LY75: variants seen among roughly 807,000 people sequenced by gnomAD.
The protein encoded by LY75 is C-type lectin domain family 13 member B.
A neutral mutation model predicts 231.7 loss-of-function variants in LY75; 185 were observed. The observed-to-expected ratio is 0.80, with a 90% CI of 0.71 to 0.90. The LOEUF is 0.90. Among genes scored for constraint, LY75 ranks in the 40% least tolerant of loss-of-function variants. The pLI, the probability that LY75 is intolerant of heterozygous loss-of-function variation, is 0.00. For synonymous variants in LY75, 668 were observed against 689.0 expected (o/e 0.97, Z 0.48); for missense variants, 1,947 against 2,050.2 (o/e 0.95, Z 0.97).
intron 29 of LY75, 123 bp downstream of exon 29, chr2:159,819,603 T>C: frequency 8.0e-7 from 1 of 1,243,896 alleles, no homozygotes; most frequent in South Asian, 1.7e-5. Flanking sequence ...ATAACCTCTG[T>C]AACACCTCGC....
chr2:159,858,423 AAATT>A lies in LY75; in HGVS notation c.2318_2321del (p.Glu773ValfsTer4). On this transcript the variant is annotated frameshift_variant, in exon 16 of 35. Transcript: ENST00000263636. LOFTEE classifies it high-confidence loss of function. ...CACAAGCAAAAGGCCTCAAATAAAT[AAATT>A]CTCTATCATCATAGAAATGCCAGCC... The A allele has an allele frequency of 4.3e-6, 7 of 1,613,750 alleles. No homozygotes were observed. Among genetic ancestry groups the A allele is most frequent in the Non-Finnish European group, 5.9e-6 (7 of 1,179,832 alleles).
chr2:159,885,020 A>T, intron 6 of LY75, 133 bp downstream of exon 6: 1 of 1,223,522 alleles, frequency 8.2e-7, no homozygotes, highest in Non-Finnish European at 1.1e-6. Flanking sequence ...GTTAAAAATC[A>T]AGTACTTTTC....
chr2:159,885,287 G>T lies in LY75; in HGVS notation c.920C>A (p.Pro307His). The change falls in exon 6 of 35, where the codon CCC becomes CAC. Residue 307 changes from proline (P) to histidine (H), a missense_variant. Pro to His is a moderately conservative substitution (Grantham distance 77, BLOSUM62 -2). Coordinates refer to ENST00000263636, the MANE Select transcript of LY75 (RefSeq NM_002349.4). The part of the protein sequence containing the change: ...LNFLNWDPDR[P>H]SAPTIGGSSC... The stretch of plus-strand genomic sequence containing the variant: ...GGAGCCACCTATAGTAGGTGCACTG[G>T]GCCTGTCTTAAAAGGGAACATTTTT... The T allele has an allele frequency of 6.2e-7, 1 of 1,612,572 alleles. No homozygotes were observed. The highest frequency in any genetic ancestry group is 8.5e-7 in the Non-Finnish European group (1 of 1,179,174).
Position 159,833,981 on chromosome 2 carries a change from T to C in LY75, c.3841+63A>G. 9 of 1,539,288 alleles carry C rather than the reference T, an allele frequency of 5.8e-6. No individual in the cohort carries two copies. The South Asian group carries it at 1.1e-4, about 19-fold the overall frequency. ...AGGCCATTAAACCTCTTTTTCTTTA[T>C]AAATTACCTAGCCTCGGGTATGTCC... On this transcript the variant is annotated intron_variant, in intron 27 of 34. Coordinates refer to ENST00000263636, the MANE Select transcript of LY75 (RefSeq NM_002349.4).
intron 13 of LY75, 136 bp downstream of exon 13, chr2:159,872,315 A>G: frequency 8.8e-7 from 1 of 1,139,392 alleles, no homozygotes; most frequent in South Asian, 1.7e-5. Flanking sequence ...CATGACTGCT[A>G]AGCACCAAAT....
At chr2:159,838,214 C>A (rs1030711590) in intron 25 of LY75, among the ~76,000 whole-genome samples, 41 of 152,204 alleles carry the variant, frequency 2.7e-4, no homozygotes, top group African/African-American at 9.7e-4. Flanking sequence ...TCAATATCTT[C>A]TCATTGCTTT....
intron 23 of LY75, among the ~76,000 whole-genome samples, chr2:159,842,976 A>G (rs754358350): frequency 1.3e-5 from 2 of 152,116 alleles, no homozygotes; most frequent in Admixed American, 6.6e-5. Context: ...ATGCTACTCA[A>G]TAAATAGTAA....
chr2:159,849,385 C>T (rs966109608), intron 23 of LY75, among the ~76,000 whole-genome samples: 1 of 152,290 alleles, frequency 6.6e-6, no homozygotes, highest in East Asian at 1.9e-4. Flanking sequence ...CCTTCTCTGA[C>T]TTCCCTATAT....
intron 29 of LY75, 122 bp from the exon 30 acceptor site, chr2:159,817,154 G>T: frequency 9.7e-7 from 1 of 1,029,808 alleles, no homozygotes; most frequent in Non-Finnish European, 1.3e-6. Flanking sequence ...AATAAGGGAG[G>T]TCAAATGTAT....
At chr2:159,858,526 A>T in intron 15 of LY75, 50 bp from the exon 16 acceptor site, 1 of 1,562,272 alleles carries the variant, frequency 6.4e-7, no homozygotes, top group Non-Finnish European at 8.6e-7. Context: ...TACATCCCTT[A>T]TGGAACACTA....
At chr2:159,879,004 A>T (rs915947681) in intron 9 of LY75, among the ~76,000 whole-genome samples, 6 of 152,220 alleles carry the variant, frequency 3.9e-5, no homozygotes, top group African/African-American at 1.4e-4. Context: ...GAATATTGAT[A>T]TTAGTGGGGG....
Position 159,898,851 on chromosome 2 carries a change from G to A in LY75, c.303C>T (p.Asp101=). Residue 101 remains aspartate (D), a synonymous_variant, in exon 2 of 35, where the codon GAC becomes GAT. Coordinates refer to ENST00000263636, the MANE Select transcript of LY75 (RefSeq NM_002349.4). ...ATTTCCACCACAGCATGGCACTGGA[G>A]TCACAGCTGAACATTCTCAGCTCAT... is the stretch of plus-strand genomic sequence containing the variant. The part of the protein sequence containing the change: ...SVNELRMFSC[D]SSAMLWWKCE... 6.2e-7 allele frequency: 1 copy of A among 1,614,226 alleles called. No individual in the cohort carries two copies. Among genetic ancestry groups the A allele is most frequent in the East Asian group, 2.2e-5 (1 of 44,888 alleles).
At chr2:159,903,827 G>A (rs3792198) in intron 1 of LY75, among the ~76,000 whole-genome samples, 59,867 of 152,026 alleles carry the variant, frequency 0.39, 14,803 homozygotes, top group Non-Finnish European at 0.56. Context: ...GGTGTGGTGT[G>A]GTGGGGCTGG....
intron 24 of LY75, 90 bp downstream of exon 24, chr2:159,842,155 T>G (rs1448741342): frequency 6.9e-7 from 1 of 1,458,270 alleles, no homozygotes; most frequent in Non-Finnish European, 9.1e-7. Context: ...TATGTTCCCC[T>G]CCCTCCCTAT....
intron 25 of LY75, among the ~76,000 whole-genome samples, chr2:159,837,822 C>G (rs1280331322): frequency 6.6e-6 from 1 of 152,144 alleles, no homozygotes; most frequent in African/African-American, 2.4e-5. Context: ...CTCCCCATGA[C>G]ATTCACTGAG....
chr2:159,858,204 C>A (rs1017686633), intron 16 of LY75, among the ~76,000 whole-genome samples, 158 bp downstream of exon 16: 8 of 152,102 alleles, frequency 5.3e-5, no homozygotes, highest in African/African-American at 1.9e-4. Context: ...CTATTAGAAG[C>A]CGGAGTCAGG....
rs1684819483 is a variant in LY75, at chr2:159,864,973, T to C, written c.2118-53A>G. Reference sequence around the variant, plus strand: ...CAGGACAATGCTTGGCAAAAATATTTAGCACTCACATGTCTAATGTGCATC... The same window carrying C: ...CAGGACAATGCTTGGCAAAAATATTCAGCACTCACATGTCTAATGTGCATC... On this transcript the variant is annotated intron_variant, in intron 13 of 34. Transcript: ENST00000263636. The C allele has an allele frequency of 3.9e-6, 6 of 1,524,856 alleles. No individual in the cohort carries two copies. In the South Asian group the frequency reaches 7.6e-5, roughly 19 times the overall value. The allele number at this position is 1,524,856 out of a possible 1,614,324, so 94.5% of individuals were successfully genotyped here.
At chr2:159,827,279 C>G (rs1237542783) in intron 28 of LY75, among the ~76,000 whole-genome samples, 1 of 152,068 alleles carries the variant, frequency 6.6e-6, no homozygotes, top group Non-Finnish European at 1.5e-5. Context: ...AACAAACAAC[C>G]CCATCAAAAT....
intron 26 of LY75, 44 bp downstream of exon 26, chr2:159,835,436 G>T: frequency 6.5e-7 from 1 of 1,535,204 alleles, no homozygotes; most frequent in South Asian, 1.3e-5. Flanking sequence ...CCACTTATGG[G>T]ACTGTTAATA....
Sources: gnomAD v4.1 joint callset for allele counts (sites outside exome capture counted in the v4.1 genomes callset) on GRCh38, gnomAD v4.1.1 for gene constraint, MANE v1.5 for transcripts, NCBI Gene and HGNC (gene_info 2026-07-23, HGNC 2026-07-21) for gene names.